Variants in PIGN observed in about 807,000 individuals in gnomAD.
The protein encoded by PIGN is phosphatidylinositol glycan anchor biosynthesis class N, also known as GPI ethanolamine phosphate transferase 1.
PIGN carries 117 observed loss-of-function variants against 125.4 expected under a neutral mutation model. That is an observed-to-expected ratio of 0.93 (90% CI 0.80 to 1.09). The LOEUF (loss-of-function observed/expected upper bound fraction) is 1.09. Ranked by LOEUF, PIGN falls within the 50% of genes least tolerant of loss-of-function variation. PIGN has a pLI of 0.00. For missense variants in PIGN, 1,075 were observed against 1,094.9 expected (o/e 0.98, Z 0.26); for synonymous variants, 392 against 377.8 (o/e 1.04, Z -0.44).
At chr18:62,147,185 C>A in intron 8 of PIGN, 84 bp from the exon 9 acceptor site, 1 of 1,417,974 alleles carries the variant, frequency 7.1e-7, no homozygotes, top group Non-Finnish European at 9.4e-7. Flanking sequence ...CATTCAAAAT[C>A]AGTAACTTCT....
At chr18:62,020,102 A>G (rs2030035248) in intron 23 of PIGN, among the ~76,000 whole-genome samples, 1 of 152,230 alleles carries the variant, frequency 6.6e-6, no homozygotes. Context: ...TAGGACAAAA[A>G]AGACTCCATG....
chr18:62,111,454 A>G (rs1392118949), intron 16 of PIGN, among the ~76,000 whole-genome samples: 1 of 151,970 alleles, frequency 6.6e-6, no homozygotes, highest in Non-Finnish European at 1.5e-5. Context: ...CGTCACCCTA[A>G]AGTCAGCTCT....
At chr18:62,024,246 G>C (rs2030088333) in intron 23 of PIGN, among the ~76,000 whole-genome samples, 1 of 152,136 alleles carries the variant, frequency 6.6e-6, no homozygotes, top group South Asian at 2.1e-4. Flanking sequence ...ACTTATGAAG[G>C]TGGCAGAGAA....
At chr18:62,141,525 C>T (rs2036134121) in intron 11 of PIGN, among the ~76,000 whole-genome samples, 1 of 152,172 alleles carries the variant, frequency 6.6e-6, no homozygotes, top group African/African-American at 2.4e-5. Flanking sequence ...CAAGTTTGTT[C>T]CCAGGCTCTC....
rs757770971 is a variant in PIGN, at chr18:62,154,476, TG to T, written c.549+68del. On this transcript the variant is annotated intron_variant, in intron 7 of 30. Coordinates refer to ENST00000640252, the MANE Select transcript of PIGN (RefSeq NM_176787.5). The stretch of plus-strand genomic sequence containing the variant: ...AAAGCTCATGAAAACAGAAAAAACG[TG>T]GGATACAGTCTCCAATACTTCAGGT... 4 of 752,620 alleles carry T rather than the reference TG, an allele frequency of 5.3e-6. No individual in the cohort carries two copies. In the South Asian group the frequency reaches 6.3e-5, roughly 12 times the overall value. 46.6% of individuals were successfully genotyped at this position (752,620 alleles called of 1,614,324 possible). A position where few individuals can be genotyped will look rare whatever the true frequency, so the allele number is the denominator to read the frequency against.
intron 14 of PIGN, among the ~76,000 whole-genome samples, chr18:62,121,794 A>G (rs1162921362): frequency 2.0e-5 from 3 of 152,106 alleles, no homozygotes; most frequent in Admixed American, 1.3e-4. Flanking sequence ...GATTGATTCC[A>G]TATTTTAGCT....
intron 1 of PIGN, among the ~76,000 whole-genome samples, chr18:62,185,387 A>T (rs947467494): frequency 6.6e-6 from 1 of 152,140 alleles, no homozygotes; most frequent in African/African-American, 2.4e-5. Flanking sequence ...AATGTCCTAT[A>T]AAAAAATAGT....
intron 26 of PIGN, 86 bp downstream of exon 26, chr18:62,085,120 AAAT>A: frequency 1.3e-6 from 1 of 772,302 alleles, no homozygotes; most frequent in Non-Finnish European, 2.1e-6. Context: ...AAAGAAAAAA[AAAT>A]AATAAGGTAC....
intron 4 of PIGN, among the ~76,000 whole-genome samples, chr18:62,159,697 T>A (rs17643303): frequency 0.16 from 24,994 of 152,200 alleles, 2,748 homozygotes; most frequent in Middle Eastern, 0.29. Flanking sequence ...AGCATTAGAG[T>A]TCATCCATTC....
In PIGN at chr18:62,145,946, T is replaced by G. The variant is rs2147269468; in HGVS notation, c.885A>C (p.Arg295Ser). ...TWGAGIKYPQ[R>S]VSAQQFDDAF... ...CATCATCAAATTGCTGAGCTGATAC[T>G]CTTTGGGGATACTTGATTCCAGCTC... The change falls in exon 10 of 31, where the codon AGA becomes AGC. Residue 295 changes from arginine to serine, a missense_variant. Physicochemically the swap from Arg to Ser is moderately radical, Grantham distance 110. Transcript: ENST00000640252. The G allele has an allele frequency of 6.2e-7, 1 of 1,607,322 alleles. No homozygotes were observed. Among genetic ancestry groups the G allele is most frequent in the Non-Finnish European group, 8.5e-7 (1 of 1,174,616 alleles).
At chr18:62,030,183 G>A (rs1203485763) in intron 23 of PIGN, among the ~76,000 whole-genome samples, 1 of 152,204 alleles carries the variant, frequency 6.6e-6, no homozygotes, top group Admixed American at 6.5e-5. Context: ...CAAGTGAAAT[G>A]CCACTAGAAG....
chr18:62,177,317 T>C (rs995213480), intron 1 of PIGN, among the ~76,000 whole-genome samples: 1 of 152,224 alleles, frequency 6.6e-6, no homozygotes, highest in East Asian at 1.9e-4. Context: ...GAACAGTTTG[T>C]TTCAATTATT....
intron 25 of PIGN, chr18:62,088,264 C>T (rs969555857): frequency 2.0e-5 from 3 of 152,308 alleles, no homozygotes; most frequent in African/African-American, 7.2e-5. Flanking sequence ...CTTTCCTCTG[C>T]CATACTGTCT....
intron 1 of PIGN, among the ~76,000 whole-genome samples, chr18:62,177,062 G>A (rs962344873): frequency 6.6e-6 from 1 of 152,022 alleles, no homozygotes; most frequent in African/African-American, 2.4e-5. Context: ...CTGATTTCAG[G>A]TAACCTTTGT....
rs2030411290 is a variant in PIGN, at chr18:62,042,364, A to G, written c.*3492T>C. 6.6e-6 allele frequency: 1 copy of G among 152,180 alleles called. No individual in the cohort carries two copies. Among genetic ancestry groups the G allele is most frequent in the Non-Finnish European group, 1.5e-5 (1 of 68,040 alleles). 9.4% of individuals were successfully genotyped at this position (152,180 alleles called of 1,614,324 possible). On this transcript the variant is annotated 3_prime_UTR_variant, in exon 31 of 31. Transcript: ENST00000640252. ...GAAAAAAGAAACTATTTTTATTATG[A>G]CATTTATTTGTATTACAAGGAACCA...
intron 11 of PIGN, 89 bp downstream of exon 11, chr18:62,143,211 GTCAATA>G: frequency 1.5e-6 from 1 of 680,458 alleles, no homozygotes; most frequent in Non-Finnish European, 2.5e-6. Context: ...AAAAGACTTT[GTCAATA>G]TTAATATTAT....
chr18:62,049,504 T>G (rs553278043), intron 30 of PIGN, among the ~76,000 whole-genome samples: 3,310 of 152,002 alleles, frequency 0.022, 98 homozygotes, highest in African/African-American at 0.056. Context: ...ATGTCTTCTT[T>G]TGAGAAGTGT....
intron 30 of PIGN, among the ~76,000 whole-genome samples, chr18:62,071,558 G>C (rs552930591): frequency 6.6e-6 from 1 of 151,860 alleles, no homozygotes; most frequent in African/African-American, 2.4e-5. Context: ...GAACTTCTGC[G>C]TGAGTGTAGT....
chr18:62,140,134 G>A (rs769734801), intron 12 of PIGN, among the ~76,000 whole-genome samples: 5 of 152,070 alleles, frequency 3.3e-5, no homozygotes, highest in Admixed American at 2.0e-4. Context: ...GCAATCATGA[G>A]GTATTGCATA....
Sources: allele counts gnomAD v4.1 joint callset (sites outside exome capture counted in the v4.1 genomes callset), GRCh38; gene constraint gnomAD v4.1.1; transcripts MANE v1.5; gene names NCBI Gene and HGNC (gene_info 2026-07-23, HGNC 2026-07-21).